Variants in GCSH observed in about 807,000 individuals in gnomAD.
GCSH encodes glycine cleavage system protein H.
GCSH carries 15 observed loss-of-function variants against 21.3 expected under a neutral mutation model. The ratio of observed to expected loss-of-function variants is 0.70; its 90% CI spans 0.47 to 1.08. GCSH has a LOEUF of 1.08. GCSH is among the 50% of genes least tolerant of loss of function. The pLI is 0.00. For synonymous variants in GCSH, 59 were observed against 84.5 expected (o/e 0.70, Z 1.66); for missense variants, 179 against 217.5 (o/e 0.82, Z 1.11).
intron 2 of GCSH, among the ~76,000 whole-genome samples, chr16:81,089,566 AG>A (rs8177886): frequency 0.035 from 5,291 of 152,110 alleles, 242 homozygotes; most frequent in African/African-American, 0.11. Context: ...GGTGTGTGTA[AG>A]GGCACCCTAG....
intron 2 of GCSH, among the ~76,000 whole-genome samples, chr16:81,090,106 T>A (rs916621400): frequency 6.6e-6 from 1 of 152,016 alleles, no homozygotes; most frequent in Non-Finnish European, 1.5e-5. Context: ...CTTTTTTTTT[T>A]TGGAGATGGA....
intron 3 of GCSH, among the ~76,000 whole-genome samples, chr16:81,086,723 G>A (rs1567587743): frequency 7.4e-6 from 1 of 134,974 alleles, no homozygotes; most frequent in South Asian, 2.4e-4. Flanking sequence ...AAAATAAGAA[G>A]TCTCCAAATT....
chr16:81,093,204 T>C (rs964972693), intron 1 of GCSH, among the ~76,000 whole-genome samples: 5 of 152,056 alleles, frequency 3.3e-5, no homozygotes, highest in African/African-American at 7.2e-5. Flanking sequence ...AGATAGTATA[T>C]AGTTATTTGT....
intron 2 of GCSH, 50 bp from the exon 3 acceptor site, chr16:81,087,714 C>A: frequency 1.6e-6 from 2 of 1,267,922 alleles, no homozygotes; most frequent in African/African-American, 1.5e-5. Flanking sequence ...TATAACTAAA[C>A]CCTCCAGTAA....
Position 81,096,388 on chromosome 16 carries a change from G to A in GCSH, c.-110C>T. On this transcript the variant is annotated 5_prime_UTR_variant, in exon 1 of 5. Coordinates refer to ENST00000315467, the MANE Select transcript of GCSH (RefSeq NM_004483.5). ...AGGGAGCCGGCTGGATGGAGGCGCG[G>A]AGGCGGTGCCGCGGGGGCGGGACAG... 1 of 891,952 alleles carries A rather than the reference G, an allele frequency of 1.1e-6. No individual in the cohort carries two copies. The highest frequency in any genetic ancestry group is 1.5e-6 in the Non-Finnish European group (1 of 659,132). 55.3% of individuals were successfully genotyped at this position (891,952 alleles called of 1,614,324 possible).
Position 81,096,222 on chromosome 16 carries a change from G to T in GCSH, c.57C>A (p.Val19=), listed in dbSNP as rs1410602825. ...VRALLCTLRA[V]PSPAAPCPPR... The stretch of plus-strand genomic sequence containing the variant: ...GCGGGCAGGGCGCGGCGGGTGACGG[G>T]ACCGCGCGCAGGGTGCAGAGCAGGG... Residue 19 remains valine (V), a synonymous_variant, in exon 1 of 5, where the codon GTC becomes GTA. Transcript: ENST00000315467. 23 of 1,315,696 alleles carry T rather than the reference G, an allele frequency of 1.7e-5. No individual in the cohort carries two copies. The highest frequency in any genetic ancestry group is 2.2e-5 in the Non-Finnish European group (23 of 1,038,084). The allele number at this position is 1,315,696 out of a possible 1,614,324, so 81.5% of individuals were successfully genotyped here.
chr16:81,089,314 C>G (rs1247038488), intron 2 of GCSH, among the ~76,000 whole-genome samples: 1 of 152,192 alleles, frequency 6.6e-6, no homozygotes, highest in African/African-American at 2.4e-5. Flanking sequence ...CAAAACGCTC[C>G]AATGAGCATT....
At position 81,090,736 on chromosome 16, in the gene GCSH, C is replaced by G. The variant is rs8177875; in HGVS notation, c.149-56G>C. 709 of 1,193,366 alleles carry G rather than the reference C, an allele frequency of 5.9e-4. 3 individuals are homozygous for G. In the East Asian group the frequency reaches 0.012, roughly 21 times the overall value. The allele number at this position is 1,193,366 out of a possible 1,614,324, so 73.9% of individuals were successfully genotyped here. A position where few individuals can be genotyped will look rare whatever the true frequency, so the allele number is the denominator to read the frequency against. ...CAGTAGCATTACTTCTTAAGAAGCACTTTTCATTACCATTGCTTTCAAAAG... is the reference window on the plus strand; with the variant it reads ...CAGTAGCATTACTTCTTAAGAAGCAGTTTTCATTACCATTGCTTTCAAAAG... On this transcript the variant is annotated intron_variant, in intron 1 of 4. Transcript: ENST00000315467.
chr16:81,089,698 T>G (rs1972359542), intron 2 of GCSH, among the ~76,000 whole-genome samples: 1 of 152,292 alleles, frequency 6.6e-6, no homozygotes, highest in South Asian at 2.1e-4. Context: ...ACCCAATACA[T>G]ACATCCAGTT....
intron 1 of GCSH, among the ~76,000 whole-genome samples, chr16:81,095,179 G>C (rs1972478069): frequency 6.6e-6 from 1 of 152,070 alleles, no homozygotes; most frequent in African/African-American, 2.4e-5. Flanking sequence ...AACATTCATG[G>C]GCAGGTTTCC....
At chr16:81,088,184 G>C (rs1753160669) in intron 2 of GCSH, among the ~76,000 whole-genome samples, 1 of 152,154 alleles carries the variant, frequency 6.6e-6, no homozygotes, top group African/African-American at 2.4e-5. Flanking sequence ...AGCTCTTAGG[G>C]AGGCAGAGGT....
chr16:81,092,931 A>T (rs1004566823), intron 1 of GCSH, among the ~76,000 whole-genome samples: 1 of 152,084 alleles, frequency 6.6e-6, no homozygotes, highest in Non-Finnish European at 1.5e-5. Flanking sequence ...AAGGAGGTCA[A>T]GACCAGCCTG....
At chr16:81,094,889 G>C (rs1009253662) in intron 1 of GCSH, among the ~76,000 whole-genome samples, 10 of 152,068 alleles carry the variant, frequency 6.6e-5, no homozygotes, top group Non-Finnish European at 1.5e-4. Flanking sequence ...TTGAGGTCAG[G>C]AGTTTGAGAC....
intron 1 of GCSH, among the ~76,000 whole-genome samples, chr16:81,095,216 G>C (rs1597171943): frequency 6.6e-6 from 1 of 152,136 alleles, no homozygotes; most frequent in African/African-American, 2.4e-5. Flanking sequence ...GTTTGAGTTA[G>C]GGCTCATTTC....
intron 3 of GCSH, 123 bp from the exon 4 acceptor site, chr16:81,084,717 T>C (rs1222757878): frequency 1.3e-6 from 1 of 769,980 alleles, no homozygotes; most frequent in East Asian, 2.7e-5. Flanking sequence ...ATTTCTTTTT[T>C]TTTTTTTTTT....
At chr16:81,090,516 G>A (rs1397218900) in intron 2 of GCSH, 85 bp downstream of exon 2, 8 of 941,714 alleles carry the variant, frequency 8.5e-6, no homozygotes, top group East Asian at 2.4e-5. Flanking sequence ...GCCACCTCAC[G>A]CAGCCTAAAC....
intron 3 of GCSH, among the ~76,000 whole-genome samples, chr16:81,084,917 G>A (rs908575404): frequency 1.3e-5 from 2 of 150,396 alleles, no homozygotes; most frequent in African/African-American, 2.4e-5. Flanking sequence ...GGGTTTCACT[G>A]TGTTAGCTAG....
At chr16:81,084,149 T>G in intron 4 of GCSH, 1 of 460,996 alleles carries the variant, frequency 2.2e-6, no homozygotes, top group South Asian at 2.6e-5. Flanking sequence ...CCAGCTAATT[T>G]TTGTATTTCT....
At chr16:81,091,366 G>A (rs1052911456) in intron 1 of GCSH, 2 of 285,510 alleles carry the variant, frequency 7.0e-6, no homozygotes, top group East Asian at 2.1e-4. Context: ...GCCATGGGTT[G>A]GTGGAGAATC....
Sources: gnomAD v4.1 joint callset for allele counts (sites outside exome capture counted in the v4.1 genomes callset) on GRCh38, gnomAD v4.1.1 for gene constraint, MANE v1.5 for transcripts, NCBI Gene and HGNC (gene_info 2026-07-23, HGNC 2026-07-21) for gene names.